Variants in PTPRS observed in about 807,000 individuals in gnomAD.
PTPRS encodes the protein receptor-type tyrosine-protein phosphatase S.
In PTPRS, 63 loss-of-function variants were observed where a neutral mutation model predicts 215.3. The observed-to-expected ratio is 0.29, with a 90% CI of 0.24 to 0.36. The LOEUF is 0.36. PTPRS is among the 10% of genes least tolerant of loss of function. The pLI is 1.00. For synonymous variants in PTPRS, 1,404 were observed against 1,191.4 expected, an observed-to-expected ratio of 1.18 and a Z score of -3.68; for missense variants, 2,258 against 2,825.8, an observed-to-expected ratio of 0.80 and a Z score of 4.56.
At chr19:5,265,903 T>C (rs961034822) in intron 4 of PTPRS, among the ~76,000 whole-genome samples, 81 of 152,220 alleles carry the variant, frequency 5.3e-4, no homozygotes, top group Non-Finnish European at 1.1e-3. Context: ...GTGGGTTCAT[T>C]TACAGCAGCC....
chr19:5,225,900 A>AC (rs2042448035), intron 16 of PTPRS, 56 bp from the exon 17 acceptor site: 1 of 1,345,666 alleles, frequency 7.4e-7, no homozygotes, highest in Non-Finnish European at 1.0e-6. Flanking sequence ...AGCCCCACCC[A>AC]CCCCCACTCC....
At chr19:5,285,602 G>C (rs2048282954) in intron 2 of PTPRS, among the ~76,000 whole-genome samples, 1 of 152,202 alleles carries the variant, frequency 6.6e-6, no homozygotes, top group South Asian at 2.1e-4. Flanking sequence ...ACCAGGTGTA[G>C]GTACTGCCCA....
intron 17 of PTPRS, among the ~76,000 whole-genome samples, chr19:5,224,868 G>C (rs577498289): frequency 6.6e-6 from 1 of 152,132 alleles, no homozygotes; most frequent in Non-Finnish European, 1.5e-5. Flanking sequence ...TGGGAGGCCT[G>C]AAAGGTGGGG....
chr19:5,317,635 T>G (rs1414888680), intron 1 of PTPRS, among the ~76,000 whole-genome samples: 1 of 152,126 alleles, frequency 6.6e-6, no homozygotes, highest in Non-Finnish European at 1.5e-5. Context: ...CAGCACAAAT[T>G]TTCCTAAAAT....
rs1375940432 is a variant in PTPRS at position 5,222,517 on chromosome 19, G to C, written c.3103+172C>G. The stretch of plus-strand genomic sequence containing the variant: ...TGGTGGGGGGCGGTGGTGCCACCGA[G>C]GCACGTCCCACCTTTGCCAACGCCG... On this transcript the variant is annotated intron_variant, in intron 18 of 37. Transcript: ENST00000262963. Among the ~76,000 whole-genome samples, 4 of 151,898 alleles carry C rather than the reference G, an allele frequency of 2.6e-5. No homozygotes were observed. The East Asian group carries it at 7.8e-4, about 30-fold the overall frequency.
At chr19:5,299,107 C>T (rs1049213734) in intron 1 of PTPRS, among the ~76,000 whole-genome samples, 1 of 152,198 alleles carries the variant, frequency 6.6e-6, no homozygotes, top group African/African-American at 2.4e-5. Context: ...TCTGTCCTCC[C>T]CACAGCACCC....
chr19:5,336,485 G>C (rs985774264), intron 1 of PTPRS, among the ~76,000 whole-genome samples: 2 of 151,966 alleles, frequency 1.3e-5, no homozygotes, highest in African/African-American at 4.8e-5. Flanking sequence ...ACATGCATTT[G>C]AGCCTCAATC....
At chr19:5,212,922 CG>C (rs145524403) in intron 30 of PTPRS, among the ~76,000 whole-genome samples, 6,342 of 152,008 alleles carry the variant, frequency 0.042, 463 homozygotes, top group African/African-American at 0.15. Flanking sequence ...TGGCCCTGGA[CG>C]GTTTCCAAGT....
chr19:5,239,203 CA>C (rs112538745), intron 12 of PTPRS, 140 bp from the exon 13 acceptor site: 18,084 of 586,858 alleles, frequency 0.031, 435 homozygotes, highest in Middle Eastern at 0.084. Context: ...GAAATAGAGA[CA>C]GGGGTGCGGC....
At position 5,298,653 on chromosome 19, in the gene PTPRS, C is replaced by T. The variant is rs75410032; in HGVS notation, c.-94-12419G>A. On this transcript the variant is annotated intron_variant, in intron 1 of 37. Coordinates refer to ENST00000262963, the MANE Select transcript of PTPRS (RefSeq NM_002850.4). ...GCCTCACCCATGTTCACATCACAGC[C>T]CTGGCGCCGGGTCTACCCGCCAGCC... Among the ~76,000 whole-genome samples, 1,251 of 152,338 alleles carry T rather than the reference C, an allele frequency of 8.2e-3. 8 individuals carry two copies. The highest frequency in any genetic ancestry group is 0.017 in the Middle Eastern group (5 of 292).
chr19:5,262,272 CA>C (rs969338093), intron 6 of PTPRS, among the ~76,000 whole-genome samples: 8 of 149,988 alleles, frequency 5.3e-5, no homozygotes, highest in Non-Finnish European at 1.0e-4. Context: ...AAGACTGTCT[CA>C]AAAAAAAAGA....
rs1424819010 is a variant in PTPRS, at chr19:5,240,321, G to C, written c.1582C>G (p.Pro528Ala). Residue 528 changes from proline to alanine, a missense_variant, in exon 12 of 38, where the codon CCC becomes GCC. This residue lies in a region of PTPRS where 508 missense variants were observed against 799.4 expected (regional missense o/e 0.64). Coordinates refer to ENST00000262963, the MANE Select transcript of PTPRS (RefSeq NM_002850.4). ...CTGGCCTCGGCCCGCAGGTTCATGG[G>C]CTGGCCCGGCACTGTGGGGGTGCAG... ...VKTQQGVPGQ[P>A]MNLRAEARSE... The C allele has an allele frequency of 1.9e-6, 3 of 1,601,120 alleles. No homozygotes were observed. In the African/African-American group the frequency reaches 4.0e-5, roughly 22 times the overall value.
chr19:5,338,043 C>G lies in PTPRS; in HGVS notation c.-95+2621G>C, dbSNP rs1225328443. ...ATCGTCCCCGGAGCTGACCTGCCAA[C>G]CAGTAGCACCCTCCAGCGCCTCAGC... On this transcript the variant is annotated intron_variant, in intron 1 of 37. Transcript: ENST00000262963. This position sits in a 1 kb window ranked among gnomAD's most constrained non-coding sequence, Gnocchi z 4.2. Among the ~76,000 whole-genome samples, 1 of 152,118 alleles carries G rather than the reference C, an allele frequency of 6.6e-6. No homozygotes were observed. The highest frequency in any genetic ancestry group is 1.5e-5 in the Non-Finnish European group (1 of 68,020).
chr19:5,214,808 T>C (rs920111673), intron 28 of PTPRS, 72 bp from the exon 29 acceptor site: 2 of 1,445,512 alleles, frequency 1.4e-6, no homozygotes, highest in East Asian at 2.4e-5. Flanking sequence ...GGCCAACCAC[T>C]TCCTGGAAGT....
chr19:5,286,995 C>T, intron 1 of PTPRS, among the ~76,000 whole-genome samples: 1 of 152,130 alleles, frequency 6.6e-6, no homozygotes, highest in Non-Finnish European at 1.5e-5. Context: ...AAACCTGATC[C>T]CCCAGGTTAT....
intron 2 of PTPRS, among the ~76,000 whole-genome samples, chr19:5,282,968 T>C (rs2047994563): frequency 6.6e-6 from 1 of 152,196 alleles, no homozygotes; most frequent in Non-Finnish European, 1.5e-5. Flanking sequence ...TCCCTGTCTC[T>C]TAGATGAAGA....
At chr19:5,328,114 G>GC (rs1568619664) in intron 1 of PTPRS, among the ~76,000 whole-genome samples, 1 of 150,856 alleles carries the variant, frequency 6.6e-6, no homozygotes, top group Non-Finnish European at 1.5e-5. Context: ...CACTTCTTTT[G>GC]TTTTTTTTTG....
chr19:5,308,969 G>A (rs1249645758), intron 1 of PTPRS, among the ~76,000 whole-genome samples: 9 of 152,210 alleles, frequency 5.9e-5, no homozygotes, highest in Admixed American at 1.3e-4. Context: ...GGAGGCAAAA[G>A]GAACCCTGGG....
chr19:5,239,212 G>A (rs916334981), intron 12 of PTPRS, 149 bp from the exon 13 acceptor site: 21 of 628,072 alleles, frequency 3.3e-5, no homozygotes, highest in Non-Finnish European at 4.9e-5. Context: ...ACAGGGGTGC[G>A]GCAGAGAGGG....
Sources: allele counts gnomAD v4.1 joint callset (sites outside exome capture counted in the v4.1 genomes callset), GRCh38; gene constraint gnomAD v4.1.1; regional missense constraint gnomAD v4.1.1; non-coding constraint Gnocchi (gnomAD v3.1); transcripts MANE v1.5; gene names NCBI Gene and HGNC (gene_info 2026-07-23, HGNC 2026-07-21).